MYRFL: variants seen among roughly 807,000 people sequenced by gnomAD.
The protein encoded by MYRFL is myelin regulatory factor like.
MYRFL carries 88 observed loss-of-function variants against 109.4 expected under a neutral mutation model. That is an observed-to-expected ratio of 0.80 (90% CI 0.68 to 0.96). The LOEUF (loss-of-function observed/expected upper bound fraction) is 0.96, where lower values mean the gene tolerates loss of function less well. Ranked by LOEUF, MYRFL falls within the 40% of genes least tolerant of loss-of-function variation. MYRFL has a pLI of 0.00. For synonymous variants in MYRFL, 324 were observed against 320.9 expected (o/e 1.01, Z -0.10); for missense variants, 957 against 954.9 (o/e 1.00, Z -0.03).
At chr12:69,931,351 A>G (rs1955264038) in intron 15 of MYRFL, among the ~76,000 whole-genome samples, 2 of 152,196 alleles carry the variant, frequency 1.3e-5, no homozygotes, top group South Asian at 4.1e-4. Flanking sequence ...TCAGAACAGT[A>G]TAAACCATTG....
At chr12:69,839,441 T>C (rs1469219036) in intron 1 of MYRFL, among the ~76,000 whole-genome samples, 3 of 152,236 alleles carry the variant, frequency 2.0e-5, no homozygotes, top group Non-Finnish European at 4.4e-5. Flanking sequence ...TAAATTTGTA[T>C]TAGACATGTC....
At chr12:69,946,175 A>T (rs1955834319) in intron 19 of MYRFL, among the ~76,000 whole-genome samples, 1 of 151,928 alleles carries the variant, frequency 6.6e-6, no homozygotes, top group Admixed American at 6.6e-5. Context: ...TTCTATAGCT[A>T]TGTAAACTTC....
At chr12:69,832,679 G>T (rs1193906470) in intron 1 of MYRFL, among the ~76,000 whole-genome samples, 3 of 152,090 alleles carry the variant, frequency 2.0e-5, no homozygotes, top group Admixed American at 1.3e-4. Flanking sequence ...TGAAGTGGTT[G>T]GGAGAGGGGT....
intron 19 of MYRFL, among the ~76,000 whole-genome samples, chr12:69,943,969 C>G (rs191863627): frequency 0.12 from 17,802 of 147,118 alleles, 1,442 homozygotes; most frequent in East Asian, 0.45. Context: ...AAATGCAAAT[C>G]AAAACCACAA....
chr12:69,875,198 T>C (rs1885588950), intron 2 of MYRFL, among the ~76,000 whole-genome samples: 1 of 151,510 alleles, frequency 6.6e-6, no homozygotes, highest in Admixed American at 6.6e-5. Flanking sequence ...TTAAAGTTCA[T>C]TTTTTTCCTC....
intron 1 of MYRFL, among the ~76,000 whole-genome samples, chr12:69,853,757 G>A (rs1478937881): frequency 6.6e-6 from 1 of 150,434 alleles, no homozygotes; most frequent in African/African-American, 2.4e-5. Context: ...CTGGGCGGCG[G>A]GGCAGAGGGG....
chr12:69,846,465 C>T (rs1182885357), intron 1 of MYRFL, among the ~76,000 whole-genome samples: 9 of 151,278 alleles, frequency 5.9e-5, no homozygotes, highest in Middle Eastern at 3.5e-3. Flanking sequence ...TTTGTTCTTG[C>T]GATAGTTCAC....
chr12:69,835,738 C>T (rs1039605606), intron 1 of MYRFL, among the ~76,000 whole-genome samples: 6 of 152,148 alleles, frequency 3.9e-5, no homozygotes, highest in African/African-American at 1.2e-4. Context: ...GTTCCCTTGT[C>T]CCCCTCACAG....
chr12:69,861,186 C>A (rs1354346746), intron 2 of MYRFL, among the ~76,000 whole-genome samples: 1 of 150,998 alleles, frequency 6.6e-6, no homozygotes, highest in Non-Finnish European at 1.5e-5. Flanking sequence ...TTTGCTATTG[C>A]GAATAGTGCC....
Position 69,852,974 on chromosome 12 carries a change from T to G in MYRFL, c.47-2306T>G, listed in dbSNP as rs934111978. 4.6e-5 allele frequency among the ~76,000 whole-genome samples: 7 copies of G among 152,370 alleles called. No homozygotes were observed. The East Asian group carries it at 1.2e-3, about 25-fold the overall frequency. ...TAGTACAGAACAAAATGGAGTCTCC[T>G]ACGTCTACTTCTTTCTACACAGACA... On this transcript the variant is annotated intron_variant, in intron 1 of 24. Transcript: ENST00000552032.
intron 5 of MYRFL, among the ~76,000 whole-genome samples, chr12:69,881,167 A>G (rs1886082673): frequency 6.6e-6 from 1 of 151,970 alleles, no homozygotes; most frequent in Non-Finnish European, 1.5e-5. Flanking sequence ...GATGGGTTTC[A>G]CTAAGTTGCC....
At chr12:69,920,046 C>G (rs887963089) in intron 13 of MYRFL, among the ~76,000 whole-genome samples, 1 of 152,120 alleles carries the variant, frequency 6.6e-6, no homozygotes, top group African/African-American at 2.4e-5. Flanking sequence ...TATCTTTAGA[C>G]CTGCAATGGA....
rs118119185 is a variant in MYRFL at position 69,868,865 on chromosome 12, C to G, written c.138-10163C>G. Among the ~76,000 whole-genome samples, 334 of 152,236 alleles carry G rather than the reference C, an allele frequency of 2.2e-3. 4 individuals are homozygous for G. The East Asian group carries it at 0.044, about 20-fold the overall frequency. On this transcript the variant is annotated intron_variant, in intron 2 of 24. Coordinates refer to ENST00000552032, the MANE Select transcript of MYRFL (RefSeq NM_182530.3). Reference sequence around the variant, plus strand: ...TGCACAGCATGCACACATGTGCACACACACGCGCACACACATGCACTCACA... The same window carrying G: ...TGCACAGCATGCACACATGTGCACAGACACGCGCACACACATGCACTCACA...
intron 2 of MYRFL, among the ~76,000 whole-genome samples, chr12:69,864,487 G>C (rs947470557): frequency 2.0e-5 from 3 of 152,082 alleles, no homozygotes; most frequent in Admixed American, 6.6e-5. Context: ...CTAAGACAGA[G>C]AGTGAAACCA....
At chr12:69,927,206 A>T (rs1343447067) in intron 14 of MYRFL, among the ~76,000 whole-genome samples, 1 of 151,906 alleles carries the variant, frequency 6.6e-6, no homozygotes, top group Non-Finnish European at 1.5e-5. Context: ...CGGCCTCCCA[A>T]AGTGCTGGGA....
rs1175130940 is a variant in MYRFL at position 69,942,620 on chromosome 12, T to C, written c.2224+5988T>C. On this transcript the variant is annotated intron_variant, in intron 19 of 24. Transcript: ENST00000552032. ...AACTGGAAGCATTCCCTTTGAAAAC[T>C]GGCACAAGACAGGGATGCCCTCTCT... Among the ~76,000 whole-genome samples the C allele has an allele frequency of 6.0e-5, 9 of 150,246 alleles. No individual in the cohort carries two copies. In the East Asian group the frequency reaches 1.8e-3, roughly 30 times the overall value.
At chr12:69,945,918 C>T (rs1216311401) in intron 19 of MYRFL, among the ~76,000 whole-genome samples, 8 of 119,862 alleles carry the variant, frequency 6.7e-5, no homozygotes, top group South Asian at 3.0e-4. Context: ...ACCCGGGAGG[C>T]GGAGCTTGCA....
chr12:69,834,585 G>C (rs1202687010), intron 1 of MYRFL, among the ~76,000 whole-genome samples: 1 of 152,200 alleles, frequency 6.6e-6, no homozygotes, highest in Non-Finnish European at 1.5e-5. Flanking sequence ...AGAATAAATG[G>C]TAGTGGTTTT....
intron 1 of MYRFL, among the ~76,000 whole-genome samples, chr12:69,848,293 A>G (rs7137544): frequency 0.31 from 47,163 of 151,694 alleles, 7,708 homozygotes; most frequent in Admixed American, 0.37. Flanking sequence ...GCATTCTTTG[A>G]GATAAACTTT....
Sources: allele counts gnomAD v4.1 joint callset (sites outside exome capture counted in the v4.1 genomes callset), GRCh38; gene constraint gnomAD v4.1.1; transcripts MANE v1.5; gene names NCBI Gene and HGNC (gene_info 2026-07-23, HGNC 2026-07-21).